DCLK2: variants seen among roughly 807,000 people sequenced by gnomAD.
The protein encoded by DCLK2 is doublecortin like kinase 2, also known as serine/threonine-protein kinase DCLK2.
DCLK2 carries 31 observed loss-of-function variants against 78.4 expected under a neutral mutation model. The ratio of observed to expected loss-of-function variants is 0.40; its 90% CI spans 0.30 to 0.53. The LOEUF is 0.53. DCLK2 is among the 20% of genes least tolerant of loss of function. The pLI is 0.61. For synonymous variants in DCLK2, 407 were observed against 374.9 expected, an observed-to-expected ratio of 1.09 and a Z score of -0.99; for missense variants, 872 against 973.7, an observed-to-expected ratio of 0.90 and a Z score of 1.39.
intron 2 of DCLK2, among the ~76,000 whole-genome samples, chr4:150,172,375 G>C (rs930762166): frequency 2.0e-5 from 3 of 151,894 alleles, no homozygotes; most frequent in Non-Finnish European, 4.4e-5. Context: ...AGGCCGAGGC[G>C]GGTGGATTAC....
intron 2 of DCLK2, among the ~76,000 whole-genome samples, chr4:150,169,468 G>A (rs1736346252): frequency 6.6e-6 from 1 of 152,132 alleles, no homozygotes; most frequent in Non-Finnish European, 1.5e-5. Context: ...AGACCAGCCT[G>A]GCCAACATGG....
Position 150,102,654 on chromosome 4 carries a change from A to G in DCLK2, c.598A>G (p.Thr200Ala), listed in dbSNP as rs1210739288. The G allele has an allele frequency of 6.2e-7, 1 of 1,614,198 alleles. No individual in the cohort carries two copies. Among genetic ancestry groups the G allele is most frequent in the East Asian group, 2.2e-5 (1 of 44,884 alleles). The change falls in exon 2 of 16, where the codon ACT becomes GCT. Residue 200 changes from threonine to alanine, a missense_variant. By Grantham distance (58) the Thr-to-Ala change is moderately conservative (BLOSUM62 0). Around this residue, in one of 3 missense-constraint regions of DCLK2, gnomAD observed 567 missense variants for 593.4 expected, o/e 0.96. Transcript: ENST00000296550. ...SKDFIKPKLV[T>A]VIRSGVKPRK... is the part of the protein sequence containing the mutation. The stretch of plus-strand genomic sequence containing the variant: ...AGATTTCATCAAACCCAAGTTAGTG[A>G]CTGTGATTCGAAGTGGAGTGAAGCC...
At chr4:150,088,543 G>C (rs780953635) in intron 1 of DCLK2, among the ~76,000 whole-genome samples, 16 of 151,990 alleles carry the variant, frequency 1.1e-4, no homozygotes, top group Non-Finnish European at 4.4e-5. Context: ...GCCTCTAGCA[G>C]TCCTCTCGCC....
intron 2 of DCLK2, among the ~76,000 whole-genome samples, chr4:150,108,386 C>T (rs922462391): frequency 1.3e-5 from 2 of 149,618 alleles, no homozygotes; most frequent in Non-Finnish European, 3.0e-5. Context: ...ACTAAAAATA[C>T]AAAAAAAATT....
intron 1 of DCLK2, among the ~76,000 whole-genome samples, chr4:150,086,607 C>T (rs973106173): frequency 6.6e-6 from 1 of 151,810 alleles, no homozygotes; most frequent in African/African-American, 2.4e-5. Flanking sequence ...CCCGGGTTCA[C>T]GCCATTCTCC....
chr4:150,093,210 G>A (rs1730217563), intron 1 of DCLK2, among the ~76,000 whole-genome samples: 1 of 152,120 alleles, frequency 6.6e-6, no homozygotes, highest in Non-Finnish European at 1.5e-5. Context: ...GAAAATTAAG[G>A]AGGTGAAAGC....
At chr4:150,199,143 T>C in intron 4 of DCLK2, 3 of 1,416,738 alleles carry the variant, frequency 2.1e-6, no homozygotes, top group Non-Finnish European at 2.9e-6. Flanking sequence ...TTGCCACTTT[T>C]CTGTTTCCTT....
chr4:150,150,065 TC>T (rs1303635297), intron 2 of DCLK2, among the ~76,000 whole-genome samples: 1 of 151,944 alleles, frequency 6.6e-6, no homozygotes, highest in South Asian at 2.1e-4. Flanking sequence ...GAGGTTATTT[TC>T]CCCCCCTCCT....
chr4:150,083,928 T>A lies in DCLK2; in HGVS notation c.421+4480T>A, dbSNP rs1729473845. ...ACATGGTCAAATGCCTATGGTCTCTTCCTTCAAAAAATGCACATTCTCCTG... is the reference window on the plus strand; with the variant it reads ...ACATGGTCAAATGCCTATGGTCTCTACCTTCAAAAAATGCACATTCTCCTG... On this transcript the variant is annotated intron_variant, in intron 1 of 15. Transcript: ENST00000296550. Among the ~76,000 whole-genome samples, 3 of 152,064 alleles carry A rather than the reference T, an allele frequency of 2.0e-5. No individual in the cohort carries two copies. In the South Asian group the frequency reaches 6.2e-4, roughly 31 times the overall value.
chr4:150,103,739 A>G (rs899970308), intron 2 of DCLK2, among the ~76,000 whole-genome samples: 6 of 152,154 alleles, frequency 3.9e-5, no homozygotes, highest in African/African-American at 1.4e-4. Flanking sequence ...TTAGTCTCCA[A>G]TTTTCTAAGA....
chr4:150,189,324 A>G (rs1235527615), intron 2 of DCLK2, among the ~76,000 whole-genome samples: 3 of 152,246 alleles, frequency 2.0e-5, no homozygotes, highest in Non-Finnish European at 4.4e-5. Context: ...AGTTAGAAAT[A>G]TAAGGTAGAC....
chr4:150,137,846 A>G (rs78264448), intron 2 of DCLK2, among the ~76,000 whole-genome samples: 1,973 of 152,290 alleles, frequency 0.013, 46 homozygotes, highest in African/African-American at 0.045. Context: ...TGTATTTTCC[A>G]TATTGCTTAA....
intron 3 of DCLK2, among the ~76,000 whole-genome samples, chr4:150,193,638 T>C (rs568574897): frequency 1.3e-5 from 2 of 152,214 alleles, no homozygotes. Flanking sequence ...TTTTTTGTGA[T>C]GTGTATGCAT....
chr4:150,201,476 A>C (rs1258354098), intron 4 of DCLK2, among the ~76,000 whole-genome samples: 1 of 152,160 alleles, frequency 6.6e-6, no homozygotes. Context: ...TGCTATAAAA[A>C]CTTAGGGGAC....
intron 2 of DCLK2, among the ~76,000 whole-genome samples, chr4:150,110,139 T>C (rs1731561837): frequency 6.6e-6 from 1 of 152,184 alleles, no homozygotes; most frequent in Non-Finnish European, 1.5e-5. Context: ...GAAACAATTT[T>C]AGCTTCCAAC....
intron 1 of DCLK2, among the ~76,000 whole-genome samples, chr4:150,083,327 T>C (rs745883383): frequency 1.3e-5 from 2 of 152,240 alleles, no homozygotes; most frequent in Non-Finnish European, 2.9e-5. Context: ...TATCCCTTCA[T>C]AAACAATAAG....
intron 12 of DCLK2, among the ~76,000 whole-genome samples, chr4:150,243,292 A>G (rs1743062335): frequency 6.6e-6 from 1 of 152,194 alleles, no homozygotes; most frequent in Non-Finnish European, 1.5e-5. Context: ...AGCAGGTCAT[A>G]GACCTCCAGG....
At chr4:150,215,377 A>G (rs1447684382) in intron 5 of DCLK2, among the ~76,000 whole-genome samples, 2 of 152,276 alleles carry the variant, frequency 1.3e-5, no homozygotes, top group African/African-American at 4.8e-5. Context: ...TTCTTCAGAC[A>G]CCAGTGGCAA....
At chr4:150,193,627 A>AT (rs1223459892) in intron 3 of DCLK2, among the ~76,000 whole-genome samples, 1 of 152,176 alleles carries the variant, frequency 6.6e-6, no homozygotes, top group East Asian at 1.9e-4. Context: ...TTAGTCATCC[A>AT]TTTTTTGTGA....
Sources: allele counts gnomAD v4.1 joint callset (sites outside exome capture counted in the v4.1 genomes callset), GRCh38; gene constraint gnomAD v4.1.1; regional missense constraint gnomAD v4.1.1; transcripts MANE v1.5; gene names NCBI Gene and HGNC (gene_info 2026-07-23, HGNC 2026-07-21).